The following RBM39 variants were observed in gnomAD, a reference collection of about 807,000 sequenced individuals.
RBM39 encodes RNA binding motif protein 39.
Under a neutral mutation model 79.6 loss-of-function variants are expected in RBM39, and 12 were observed. The observed-to-expected ratio is 0.15, with a 90% confidence interval of 0.10 to 0.24. The LOEUF (loss-of-function observed/expected upper bound fraction) is 0.24, where lower values mean the gene tolerates loss of function less well. RBM39 is among the 10% of genes least tolerant of loss of function. The probability of loss-of-function intolerance (pLI) is 1.00; values close to 1 mark genes in which losing one functional copy is unlikely to be tolerated. For missense variants in RBM39, 243 were observed against 653.4 expected, an observed-to-expected ratio of 0.37 and a Z score of 6.85; for synonymous variants, 185 against 208.4, an observed-to-expected ratio of 0.89 and a Z score of 0.97.
chr20:35,736,664 T>G, intron 3 of RBM39: 1 of 454,942 alleles, frequency 2.2e-6, no homozygotes. Flanking sequence ...ATTTTTATGT[T>G]TGTTTGAGAC....
At position 35,704,559 on chromosome 20, in the gene RBM39, A is replaced by G. The variant is rs1183648217; in HGVS notation, c.1515T>C (p.Tyr505=). ...WFAGKMITAA[Y]VPLPTYHNLF... The stretch of plus-strand genomic sequence containing the variant: ...GGTTGTGGTAAGTTGGAAGAGGTAC[A>G]TATGCTGCTGTTATCATTTTACCTA... The change falls in exon 17 of 17, where the codon TAT becomes TAC. Residue 505 remains tyrosine (Y), a synonymous_variant. Transcript: ENST00000253363. The G allele has an allele frequency of 6.2e-7, 1 of 1,613,552 alleles. No homozygotes were observed. Among genetic ancestry groups the G allele is most frequent in the Admixed American group, 1.7e-5 (1 of 60,026 alleles).
intron 3 of RBM39, among the ~76,000 whole-genome samples, chr20:35,736,955 C>CT (rs1183611746): frequency 6.0e-4 from 89 of 149,426 alleles, no homozygotes; most frequent in Non-Finnish European, 4.3e-4. Flanking sequence ...CAAGCCCAGA[C>CT]TTTTTTTTTA....
At chr20:35,712,053 T>A (rs545612455) in intron 12 of RBM39, among the ~76,000 whole-genome samples, 1 of 151,808 alleles carries the variant, frequency 6.6e-6, no homozygotes, top group African/African-American at 2.4e-5. Flanking sequence ...TGAGACTCCA[T>A]CCCCCACCAA....
chr20:35,726,009 T>TA (rs2038643030), intron 6 of RBM39, among the ~76,000 whole-genome samples: 2 of 152,166 alleles, frequency 1.3e-5, no homozygotes, highest in African/African-American at 4.8e-5. Context: ...AAAATGCGCA[T>TA]AAAACTATTC....
At chr20:35,707,997 G>A (rs778216788) in intron 13 of RBM39, 10 of 416,710 alleles carry the variant, frequency 2.4e-5, no homozygotes, top group East Asian at 1.8e-4. Flanking sequence ...ACAAAGCTAA[G>A]GATAAAACAG....
chr20:35,704,349 T>C lies in RBM39; in HGVS notation c.*132A>G. 1.5e-6 allele frequency: 1 copy of C among 661,358 alleles called. No homozygotes were observed. The highest frequency in any genetic ancestry group is 2.5e-6 in the Non-Finnish European group (1 of 396,800). 41.0% of individuals were successfully genotyped at this position (661,358 alleles called of 1,614,324 possible). ...CATTCCTGTTAACATTTTTATTTTT[T>C]CAAGGTAACAGGAAATTGCATACAA... On this transcript the variant is annotated 3_prime_UTR_variant, in exon 17 of 17. Coordinates refer to ENST00000253363, the MANE Select transcript of RBM39 (RefSeq NM_184234.3).
chr20:35,705,908 A>T (rs2146477215), intron 14 of RBM39, among the ~76,000 whole-genome samples: 1 of 152,298 alleles, frequency 6.6e-6, no homozygotes, highest in South Asian at 2.1e-4. Context: ...GTGACTTTTA[A>T]ATAGTTAAAT....
intron 13 of RBM39, 134 bp from the exon 14 acceptor site, chr20:35,707,335 A>T (rs1394514945): frequency 2.1e-6 from 1 of 487,414 alleles, no homozygotes; most frequent in African/African-American, 2.0e-5. Flanking sequence ...TACCTTATTT[A>T]ATATTGCTAC....
chr20:35,721,383 G>A (rs1416151404), intron 9 of RBM39, among the ~76,000 whole-genome samples: 2 of 152,130 alleles, frequency 1.3e-5, no homozygotes, highest in Admixed American at 6.5e-5. Flanking sequence ...GAGTGAAGTG[G>A]CATAATCATG....
chr20:35,705,787 CA>C (rs201075378), intron 14 of RBM39, among the ~76,000 whole-genome samples: 156 of 127,296 alleles, frequency 1.2e-3, no homozygotes, highest in East Asian at 2.5e-3. Context: ...AACTCCGTCT[CA>C]AAAAAAAAAA....
Position 35,707,201 on chromosome 20 carries a change from G to A in RBM39, c.1226C>T (p.Ala409Val). Residue 409 changes from alanine to valine, a missense_variant and splice_region_variant, in exon 14 of 17, where the codon GCT (alanine) becomes GTT (valine). Around this residue, in one of 4 missense-constraint regions of RBM39, gnomAD observed 19 missense variants for 16.1 expected, o/e 1.18. Coordinates refer to ENST00000253363, the MANE Select transcript of RBM39 (RefSeq NM_184234.3). Reference sequence around the variant, plus strand: ...AGAGGCAGCTGCAGCTAAAGCTGAAGCTAAAAAAAGAAAGAGAAAAATTAG... The same window carrying A: ...AGAGGCAGCTGCAGCTAAAGCTGAAACTAAAAAAAGAAAGAGAAAAATTAG... The part of the protein sequence containing the change: ...LQTRLSQQTE[A>V]SALAAAASVQ... The A allele has an allele frequency of 6.2e-7, 1 of 1,600,630 alleles. No homozygotes were observed. Among genetic ancestry groups the A allele is most frequent in the African/African-American group, 1.3e-5 (1 of 74,456 alleles).
chr20:35,725,224 T>G, intron 6 of RBM39, 69 bp from the exon 7 acceptor site: 1 of 1,116,668 alleles, frequency 9.0e-7, no homozygotes, highest in Non-Finnish European at 1.3e-6. Context: ...CTTTTTTATT[T>G]CTTCATATAG....
At chr20:35,729,849 A>C (rs1486208974) in intron 4 of RBM39, among the ~76,000 whole-genome samples, 7 of 148,852 alleles carry the variant, frequency 4.7e-5, no homozygotes, top group Admixed American at 6.7e-5. Context: ...GAATTAAAAA[A>C]AAAAAAACAC....
chr20:35,716,560 T>TTGTTGTGAAAAA (rs1312960304), intron 10 of RBM39, among the ~76,000 whole-genome samples, 180 bp downstream of exon 10: 2 of 152,118 alleles, frequency 1.3e-5, no homozygotes, highest in African/African-American at 4.8e-5. Context: ...ATATTACCCT[T>TTGTTGTGAAAAA]TGTTGTGAAA....
chr20:35,725,337 T>C (rs1014471015), intron 6 of RBM39, among the ~76,000 whole-genome samples, 182 bp from the exon 7 acceptor site: 3 of 152,226 alleles, frequency 2.0e-5, no homozygotes, highest in Admixed American at 2.0e-4. Context: ...CAGTATATAC[T>C]GTACCCTCAC....
chr20:35,716,672 G>A, intron 10 of RBM39, 68 bp downstream of exon 10: 1 of 971,356 alleles, frequency 1.0e-6, no homozygotes, highest in Non-Finnish European at 1.6e-6. Flanking sequence ...AGACTAATCT[G>A]AGCAACACAG....
chr20:35,709,964 T>C (rs2036194255), intron 12 of RBM39, among the ~76,000 whole-genome samples: 1 of 152,086 alleles, frequency 6.6e-6, no homozygotes, highest in African/African-American at 2.4e-5. Flanking sequence ...TGAAAACATC[T>C]AATCAGTATT....
intron 9 of RBM39, among the ~76,000 whole-genome samples, chr20:35,717,452 G>C (rs1255736548): frequency 6.6e-6 from 1 of 152,052 alleles, no homozygotes; most frequent in Non-Finnish European, 1.5e-5. Context: ...ATTACCAATA[G>C]AAGGTAGAAA....
intron 15 of RBM39, 76 bp from the exon 16 acceptor site, chr20:35,704,822 C>T: frequency 7.6e-7 from 1 of 1,312,630 alleles, no homozygotes; most frequent in East Asian, 2.3e-5. Context: ...ATTCAAGTTG[C>T]CTGTAGAAAC....
Sources: gnomAD v4.1 joint callset for allele counts (sites outside exome capture counted in the v4.1 genomes callset) on GRCh38, gnomAD v4.1.1 for gene constraint, gnomAD v4.1.1 regional missense constraint, MANE v1.5 for transcripts, NCBI Gene and HGNC (gene_info 2026-07-23, HGNC 2026-07-21) for gene names.